ALPK2: variants seen among roughly 807,000 people sequenced by gnomAD.
The protein encoded by ALPK2 is alpha kinase 2.
Under a neutral mutation model 163.1 loss-of-function variants are expected in ALPK2, and 127 were observed. That is an observed-to-expected ratio of 0.78 (90% confidence interval 0.67 to 0.90). The LOEUF (loss-of-function observed/expected upper bound fraction) is 0.90, where lower values mean the gene tolerates loss of function less well. ALPK2 is among the 40% of genes least tolerant of loss of function. ALPK2 has a pLI of 0.00. For synonymous variants in ALPK2, 953 were observed against 959.1 expected, an observed-to-expected ratio of 0.99 and a Z score of 0.12; for missense variants, 2,360 against 2,589.6, an observed-to-expected ratio of 0.91 and a Z score of 1.92.
At chr18:58,552,842 G>A (rs1017335541) in intron 4 of ALPK2, among the ~76,000 whole-genome samples, 1 of 152,182 alleles carries the variant, frequency 6.6e-6, no homozygotes, top group African/African-American at 2.4e-5. Flanking sequence ...TGGGTTGATT[G>A]TGTCCCGCAA....
At chr18:58,538,533 G>T (rs1372719844) in intron 4 of ALPK2, 2 of 318,754 alleles carry the variant, frequency 6.3e-6, no homozygotes, top group Non-Finnish European at 1.2e-5. Context: ...TAAATCGAAT[G>T]TTAACTGTTT....
At chr18:58,605,794 C>T (rs1215552889) in intron 3 of ALPK2, among the ~76,000 whole-genome samples, 1 of 152,170 alleles carries the variant, frequency 6.6e-6, no homozygotes, top group African/African-American at 2.4e-5. Context: ...CGGCTGTCTC[C>T]CAAGTATACT....
chr18:58,609,886 T>G (rs755873602), intron 2 of ALPK2, among the ~76,000 whole-genome samples: 1 of 152,198 alleles, frequency 6.6e-6, no homozygotes, highest in Non-Finnish European at 1.5e-5. Flanking sequence ...CAGCTTGCAC[T>G]GTTCTGTCTG....
intron 3 of ALPK2, among the ~76,000 whole-genome samples, chr18:58,598,929 C>CGTGACAGTGACAGTTTTCA (rs1334131307): frequency 6.6e-6 from 1 of 152,156 alleles, no homozygotes; most frequent in Non-Finnish European, 1.5e-5. Context: ...AGTTTCAGAA[C>CGTGACAGTGACAGTTTTCA]GTGACAGTGA....
chr18:58,487,049 T>C (rs996386013), intron 12 of ALPK2, among the ~76,000 whole-genome samples: 3 of 152,240 alleles, frequency 2.0e-5, no homozygotes, highest in Admixed American at 6.5e-5. Flanking sequence ...AGAAACTCGC[T>C]ATCCTTTTCA....
rs746992315 is a variant in ALPK2 at position 58,482,022 on chromosome 18, C to A, written c.6314G>T (p.Gly2105Val). 1.2e-6 allele frequency: 2 copies of A among 1,613,618 alleles called. No individual in the cohort carries two copies. Residue 2105 changes from glycine to valine, a missense_variant, in exon 13 of 13, where the codon GGC becomes GTC. Gly to Val is a moderately radical substitution (Grantham distance 109). Coordinates refer to ENST00000361673, the MANE Select transcript of ALPK2 (RefSeq NM_052947.4). The stretch of plus-strand genomic sequence containing the variant: ...ATCAATGAAGGTCATGGAACAGTTG[C>A]CTTTAAATCCCTTGTACCTGTGAGT... ...TLAKGYKGFKGNCSMTFIDQF... is the reference protein window; with the variant it reads ...TLAKGYKGFKVNCSMTFIDQF...
At chr18:58,552,106 C>T (rs1057101580) in intron 4 of ALPK2, among the ~76,000 whole-genome samples, 1 of 152,014 alleles carries the variant, frequency 6.6e-6, no homozygotes, top group African/African-American at 2.4e-5. Flanking sequence ...AAAAATGCCC[C>T]AAATCGCAAG....
At position 58,582,767 on chromosome 18, in the gene ALPK2, GC is replaced by G. The variant is rs541867719; in HGVS notation, c.228-2220del. On this transcript the variant is annotated intron_variant, in intron 3 of 12. Coordinates refer to ENST00000361673, the MANE Select transcript of ALPK2 (RefSeq NM_052947.4). ...TACGTATAAGGTGTACGTTGATTCA[GC>G]CCAGAAAGATGGGACATTTTGAAGT... 7.2e-5 allele frequency among the ~76,000 whole-genome samples: 11 copies of G among 152,154 alleles called. No homozygotes were observed. In the East Asian group the frequency reaches 2.1e-3, roughly 29 times the overall value.
chr18:58,533,322 C>T (rs137905508), intron 5 of ALPK2, among the ~76,000 whole-genome samples: 4 of 152,308 alleles, frequency 2.6e-5, no homozygotes, highest in African/African-American at 7.2e-5. Context: ...TGCTTGTCTA[C>T]CTTTACCTGC....
intron 10 of ALPK2, chr18:58,512,154 AC>A (rs1245560621): frequency 2.0e-5 from 3 of 151,836 alleles, no homozygotes; most frequent in Non-Finnish European, 4.4e-5. Context: ...CTGAGGACCG[AC>A]CCCCTGTGGC....
intron 3 of ALPK2, among the ~76,000 whole-genome samples, chr18:58,598,562 T>C (rs1021908533): frequency 2.6e-5 from 4 of 152,108 alleles, no homozygotes; most frequent in African/African-American, 9.7e-5. Flanking sequence ...GCTGGGCTGG[T>C]CAGGACAGAG....
chr18:58,485,548 A>T lies in ALPK2; in HGVS notation c.6297-3509T>A, dbSNP rs1440838146. On this transcript the variant is annotated intron_variant, in intron 12 of 12. Transcript: ENST00000361673. ...CCTTGGGAAAAATGACTTGGTTTCT[A>T]AAAGCCAAGCTTTCTCGTTGAAGAA... Among the ~76,000 whole-genome samples, 4 of 152,218 alleles carry T rather than the reference A, an allele frequency of 2.6e-5. No homozygotes were observed. In the East Asian group the frequency reaches 7.7e-4, roughly 29 times the overall value.
chr18:58,577,386 A>G (rs946977310), intron 4 of ALPK2, among the ~76,000 whole-genome samples: 1 of 152,212 alleles, frequency 6.6e-6, no homozygotes, highest in Non-Finnish European at 1.5e-5. Context: ...TCAATAATAA[A>G]GTAATTTGTC....
intron 11 of ALPK2, among the ~76,000 whole-genome samples, chr18:58,499,773 C>T (rs902079961): frequency 1.3e-5 from 2 of 152,270 alleles, no homozygotes; most frequent in Non-Finnish European, 2.9e-5. Context: ...TGGCATTCCC[C>T]ACCTCCAGCA....
chr18:58,484,541 C>G (rs559421816), intron 12 of ALPK2, among the ~76,000 whole-genome samples: 3 of 152,100 alleles, frequency 2.0e-5, no homozygotes, highest in Non-Finnish European at 4.4e-5. Flanking sequence ...GTCAAGAGAT[C>G]GCAACCATCC....
Position 58,536,070 on chromosome 18 carries a change from TC to T in ALPK2, c.4116del (p.Ser1373ValfsTer21). The T allele has an allele frequency of 1.2e-6, 2 of 1,614,182 alleles. No homozygotes were observed. The highest frequency in any genetic ancestry group is 1.7e-6 in the Non-Finnish European group (2 of 1,180,018). ...ETGGKENVNN[V>X]SQDQEEKQLK... is the part of the protein sequence containing the mutation. ...AGTTGTTTTTCCTCCTGGTCTTGAC[TC>T]ACATTGTTAACATTTTCCTTCCCTC... On this transcript the variant is annotated frameshift_variant, in exon 5 of 13. Transcript: ENST00000361673.
At chr18:58,505,674 G>A (rs897418303) in intron 10 of ALPK2, among the ~76,000 whole-genome samples, 3 of 152,032 alleles carry the variant, frequency 2.0e-5, no homozygotes, top group South Asian at 2.1e-4. Context: ...ACTCACATTC[G>A]ACATCGAAAC....
At chr18:58,538,848 T>C (rs149330913) in intron 4 of ALPK2, among the ~76,000 whole-genome samples, 49 of 152,226 alleles carry the variant, frequency 3.2e-4, no homozygotes, top group African/African-American at 1.1e-3. Context: ...GAGTGAGTTC[T>C]CAATCTATTA....
intron 4 of ALPK2, among the ~76,000 whole-genome samples, chr18:58,549,178 C>A (rs1391121478): frequency 6.6e-6 from 1 of 152,078 alleles, no homozygotes; most frequent in Non-Finnish European, 1.5e-5. Flanking sequence ...AAGTATGTAC[C>A]ACTTAGAAGA....
Sources: allele counts gnomAD v4.1 joint callset (sites outside exome capture counted in the v4.1 genomes callset), GRCh38; gene constraint gnomAD v4.1.1; transcripts MANE v1.5; gene names NCBI Gene and HGNC (gene_info 2026-07-23, HGNC 2026-07-21).